B4GALT5: variants seen among roughly 807,000 people sequenced by gnomAD.
B4GALT5 encodes the protein beta-1,4-galactosyltransferase 5.
In B4GALT5, 11 loss-of-function variants were observed where a neutral mutation model predicts 45.0. That is an observed-to-expected ratio of 0.24 (90% confidence interval 0.15 to 0.40). The LOEUF (loss-of-function observed/expected upper bound fraction) is 0.40. Among genes scored for constraint, B4GALT5 ranks in the 10% least tolerant of loss-of-function variants. The pLI is 1.00. For synonymous variants in B4GALT5, 185 were observed against 182.9 expected (o/e 1.01, Z -0.09); for missense variants, 337 against 500.2 (o/e 0.67, Z 3.11).
intron 1 of B4GALT5, among the ~76,000 whole-genome samples, chr20:49,678,824 A>C (rs1452611033): frequency 6.6e-6 from 1 of 152,218 alleles, no homozygotes; most frequent in Non-Finnish European, 1.5e-5. Flanking sequence ...GCTTGCTACT[A>C]AGACCTTGAA....
chr20:49,686,440 G>C (rs2085785830), intron 1 of B4GALT5, among the ~76,000 whole-genome samples: 1 of 152,008 alleles, frequency 6.6e-6, no homozygotes, highest in Admixed American at 6.6e-5. Flanking sequence ...CTACTGCCTA[G>C]AAATCAAGAG....
intron 1 of B4GALT5, among the ~76,000 whole-genome samples, chr20:49,669,570 C>T (rs1052708293): frequency 1.3e-5 from 2 of 151,906 alleles, no homozygotes; most frequent in African/African-American, 4.8e-5. Context: ...GTGGTGCATG[C>T]CTGTAATCCC....
At chr20:49,643,881 G>T (rs2085587544) in intron 3 of B4GALT5, among the ~76,000 whole-genome samples, 2 of 151,202 alleles carry the variant, frequency 1.3e-5, no homozygotes, top group Admixed American at 1.3e-4. Flanking sequence ...TCTGTCAGGG[G>T]CCAGGTAGAA....
chr20:49,678,809 A>G (rs2085750669), intron 1 of B4GALT5, among the ~76,000 whole-genome samples: 2 of 152,206 alleles, frequency 1.3e-5, no homozygotes, highest in African/African-American at 4.8e-5. Flanking sequence ...ACAGCTCACT[A>G]CTAGGCTTGC....
Position 49,636,232 on chromosome 20 carries a change from A to G in B4GALT5, c.*80T>C. ...GTATTTCTGTTCTCTTGCTGTGTAG[A>G]CCCTCCCCCCTCCAAAAAAAAATCT... is the stretch of plus-strand genomic sequence containing the variant. On this transcript the variant is annotated 3_prime_UTR_variant, in exon 9 of 9. Transcript: ENST00000371711. 6.6e-7 allele frequency: 1 copy of G among 1,520,774 alleles called. No homozygotes were observed. Among genetic ancestry groups the G allele is most frequent in the Non-Finnish European group, 9.0e-7 (1 of 1,115,248 alleles). 94.2% of individuals were successfully genotyped at this position (1,520,774 alleles called of 1,614,324 possible). A position where few individuals can be genotyped will look rare whatever the true frequency, so the allele number is the denominator to read the frequency against.
Position 49,646,957 on chromosome 20 carries a change from G to C in B4GALT5, c.364+8C>G. 6.4e-7 allele frequency: 1 copy of C among 1,562,716 alleles called. No homozygotes were observed. The highest frequency in any genetic ancestry group is 8.8e-7 in the Non-Finnish European group (1 of 1,133,812). On this transcript the variant is annotated splice_region_variant and intron_variant, in intron 3 of 8. Coordinates refer to ENST00000371711, the MANE Select transcript of B4GALT5 (RefSeq NM_004776.4). The stretch of plus-strand genomic sequence containing the variant: ...AAGCAGAGGAAGACAGGCCAGAGCT[G>C]TACTCACTCATGGAAGGGAGTCTTT...
chr20:49,695,205 ATT>A lies in B4GALT5; in HGVS notation c.115+18369_115+18370del, dbSNP rs5841765. ...TTGAACAATCTGGCATAGTGCAGTA[ATT>A]TTTTTTTTTTTTAGACAGACTTTTG... On this transcript the variant is annotated intron_variant, in intron 1 of 8. Transcript: ENST00000371711. Among the ~76,000 whole-genome samples, 403 of 145,702 alleles carry A rather than the reference ATT, an allele frequency of 2.8e-3. 1 individual carries two copies. The highest frequency in any genetic ancestry group is 8.1e-3 in the African/African-American group (319 of 39,392).
At chr20:49,678,825 A>C (rs1271474102) in intron 1 of B4GALT5, among the ~76,000 whole-genome samples, 3 of 152,218 alleles carry the variant, frequency 2.0e-5, no homozygotes, top group Non-Finnish European at 4.4e-5. Flanking sequence ...CTTGCTACTA[A>C]GACCTTGAAG....
intron 1 of B4GALT5, among the ~76,000 whole-genome samples, chr20:49,711,651 C>T (rs2085912478): frequency 6.6e-6 from 1 of 152,200 alleles, no homozygotes. Flanking sequence ...TCTTGTTCTG[C>T]CAGAATCCCA....
intron 1 of B4GALT5, among the ~76,000 whole-genome samples, chr20:49,695,735 T>C (rs538643921): frequency 1.4e-4 from 21 of 152,224 alleles, no homozygotes; most frequent in Admixed American, 6.5e-4. Context: ...TATGCCATGT[T>C]ATAGCAGAAC....
intron 1 of B4GALT5, among the ~76,000 whole-genome samples, chr20:49,710,315 T>A (rs1197107233): frequency 6.6e-6 from 1 of 152,032 alleles, no homozygotes; most frequent in Non-Finnish European, 1.5e-5. Flanking sequence ...GTGAACTACA[T>A]GAAACTGCTG....
At chr20:49,695,572 C>T (rs138757595) in intron 1 of B4GALT5, among the ~76,000 whole-genome samples, 13 of 152,192 alleles carry the variant, frequency 8.5e-5, no homozygotes, top group African/African-American at 3.1e-4. Context: ...CCACCATGCC[C>T]GGCTAATTTT....
intron 1 of B4GALT5, among the ~76,000 whole-genome samples, chr20:49,691,254 C>T (rs985622737): frequency 1.6e-4 from 25 of 152,258 alleles, no homozygotes; most frequent in Admixed American, 4.6e-4. Context: ...CAGGGGCTCA[C>T]GCCTGTAATC....
At chr20:49,695,583 G>T (rs1306751612) in intron 1 of B4GALT5, among the ~76,000 whole-genome samples, 1 of 152,050 alleles carries the variant, frequency 6.6e-6, no homozygotes, top group African/African-American at 2.4e-5. Flanking sequence ...GGCTAATTTT[G>T]TATTTTTAGT....
At chr20:49,674,004 G>A (rs1198713843) in intron 1 of B4GALT5, among the ~76,000 whole-genome samples, 4 of 149,536 alleles carry the variant, frequency 2.7e-5, no homozygotes, top group African/African-American at 4.9e-5. Context: ...TTGGGAGGCC[G>A]AGGTGGGCGG....
intron 2 of B4GALT5, 75 bp from the exon 3 acceptor site, chr20:49,647,153 G>T: frequency 4.7e-6 from 4 of 849,286 alleles, no homozygotes; most frequent in Admixed American, 2.1e-5. Context: ...TGCCTACCAA[G>T]TAAGTCTTTC....
chr20:49,647,803 C>T lies in B4GALT5; in HGVS notation c.251-725G>A, dbSNP rs139024739. Reference sequence around the variant, plus strand: ...CTTCATCCTCCCAGAGGAGGTGTGGCAGCTTCTGGCCTTCTTCCATGCCAA... The same window carrying T: ...CTTCATCCTCCCAGAGGAGGTGTGGTAGCTTCTGGCCTTCTTCCATGCCAA... On this transcript the variant is annotated intron_variant, in intron 2 of 8. Transcript: ENST00000371711. 2.5e-4 allele frequency among the ~76,000 whole-genome samples: 38 copies of T among 152,130 alleles called. No homozygotes were observed. The East Asian group carries it at 7.2e-3, about 29-fold the overall frequency.
At chr20:49,663,688 A>AT (rs1379448405) in intron 1 of B4GALT5, among the ~76,000 whole-genome samples, 1 of 106,952 alleles carries the variant, frequency 9.3e-6, no homozygotes, top group African/African-American at 3.8e-5. Flanking sequence ...AAAAAAAAAA[A>AT]AAATATATAC....
intron 1 of B4GALT5, among the ~76,000 whole-genome samples, chr20:49,683,117 G>A (rs993938603): frequency 2.0e-5 from 3 of 151,460 alleles, no homozygotes; most frequent in Admixed American, 6.6e-5. Context: ...AAAAAAAAGT[G>A]ACATAGAAGG....
Sources: gnomAD v4.1 joint callset for allele counts (sites outside exome capture counted in the v4.1 genomes callset) on GRCh38, gnomAD v4.1.1 for gene constraint, MANE v1.5 for transcripts, NCBI Gene and HGNC (gene_info 2026-07-23, HGNC 2026-07-21) for gene names.